Variants in STAB2 observed in about 807,000 individuals in gnomAD.
STAB2 encodes stabilin 2, also known as stabilin-2.
Under a neutral mutation model 338.1 loss-of-function variants are expected in STAB2, and 288 were observed. The observed-to-expected ratio is 0.85, with a 90% CI of 0.77 to 0.94. The LOEUF is 0.94. Ranked by LOEUF, STAB2 falls within the 40% of genes least tolerant of loss-of-function variation. The pLI is 0.00. For synonymous variants in STAB2, 1,202 were observed against 1,193.3 expected, an observed-to-expected ratio of 1.01 and a Z score of -0.15; for missense variants, 3,141 against 3,210.1, an observed-to-expected ratio of 0.98 and a Z score of 0.52.
At chr12:103,658,871 G>A (rs957202657) in intron 15 of STAB2, among the ~76,000 whole-genome samples, 11 of 152,210 alleles carry the variant, frequency 7.2e-5, no homozygotes, top group African/African-American at 1.2e-4. Flanking sequence ...TTTGGTGGAC[G>A]CAGTCAAGTT....
Position 103,766,463 on chromosome 12 carries a change from C to G in STAB2, c.*127C>G, listed in dbSNP as rs758512898. On this transcript the variant is annotated 3_prime_UTR_variant, in exon 69 of 69. Coordinates refer to ENST00000388887, the MANE Select transcript of STAB2 (RefSeq NM_017564.10). ...CACTCAGAAGCCATACCTCATCTCT[C>G]TGGCTGATCTGGGGGTTGTTTCTGT... 2.7e-5 allele frequency: 29 copies of G among 1,077,618 alleles called. No homozygotes were observed. Among genetic ancestry groups the G allele is most frequent in the Non-Finnish European group, 3.8e-5 (29 of 756,450 alleles). 66.8% of individuals were successfully genotyped at this position (1,077,618 alleles called of 1,614,324 possible).
intron 21 of STAB2, 35 bp downstream of exon 21, chr12:103,669,662 T>C (rs1875548270): frequency 1.3e-6 from 2 of 1,582,758 alleles, no homozygotes; most frequent in African/African-American, 1.3e-5. Flanking sequence ...ATAAGTCAAA[T>C]CAAACAATAA....
chr12:103,748,196 C>T (rs933074422), intron 58 of STAB2, among the ~76,000 whole-genome samples: 4 of 152,178 alleles, frequency 2.6e-5, no homozygotes, highest in African/African-American at 9.7e-5. Flanking sequence ...AGTGAGTCAG[C>T]ATTCAACAAT....
intron 68 of STAB2, among the ~76,000 whole-genome samples, chr12:103,764,016 C>T (rs1283538092): frequency 6.6e-6 from 1 of 151,562 alleles, no homozygotes; most frequent in Non-Finnish European, 1.5e-5. Flanking sequence ...GATGGAGTCT[C>T]ACTCTGTCAC....
intron 55 of STAB2, among the ~76,000 whole-genome samples, chr12:103,741,689 A>G (rs543002456): frequency 1.3e-5 from 2 of 152,320 alleles, no homozygotes; most frequent in South Asian, 4.1e-4. Context: ...TCCTGAGCTC[A>G]AGCAGTCCAT....
intron 61 of STAB2, among the ~76,000 whole-genome samples, chr12:103,754,430 A>T (rs1396803751): frequency 1.3e-5 from 2 of 152,010 alleles, no homozygotes; most frequent in African/African-American, 4.8e-5. Flanking sequence ...CAATTTTCTC[A>T]ATTGTATAAG....
At chr12:103,710,241 C>G (rs1344666992) in intron 39 of STAB2, among the ~76,000 whole-genome samples, 2 of 152,202 alleles carry the variant, frequency 1.3e-5, no homozygotes, top group African/African-American at 4.8e-5. Flanking sequence ...GGGTGGAGCA[C>G]AAAGACTCTT....
intron 65 of STAB2, among the ~76,000 whole-genome samples, chr12:103,760,945 C>G (rs1388030596): frequency 1.3e-5 from 2 of 152,156 alleles, no homozygotes; most frequent in African/African-American, 4.8e-5. Context: ...TACAGCTTTT[C>G]TAACAGTGTG....
rs1436750994 is a variant in STAB2, at chr12:103,750,563, C to T, written c.6439-16C>T. 1 of 1,612,700 alleles carries T rather than the reference C, an allele frequency of 6.2e-7. No individual in the cohort carries two copies. The highest frequency in any genetic ancestry group is 8.5e-7 in the Non-Finnish European group (1 of 1,178,884). The stretch of plus-strand genomic sequence containing the variant: ...GAGAAGGAACTTTTTCATCTCTTCC[C>T]ACTCTCCCTCCACAGGGCAAGCACA... On this transcript the variant is annotated splice_polypyrimidine_tract_variant and intron_variant, in intron 59 of 68. Transcript: ENST00000388887.
intron 3 of STAB2, among the ~76,000 whole-genome samples, chr12:103,600,967 C>A (rs1168103357): frequency 6.6e-6 from 1 of 152,168 alleles, no homozygotes; most frequent in East Asian, 1.9e-4. Context: ...TAATAGTAAG[C>A]ATTCAACAAA....
intron 25 of STAB2, among the ~76,000 whole-genome samples, chr12:103,680,568 GGATTCATTCTT>G (rs1876806957): frequency 6.6e-6 from 1 of 152,224 alleles, no homozygotes; most frequent in South Asian, 2.1e-4. Context: ...CAAAAAGCCA[GGATTCATTCTT>G]TCATTGACTC....
At chr12:103,608,870 G>C (rs1957075966) in intron 3 of STAB2, among the ~76,000 whole-genome samples, 1 of 152,234 alleles carries the variant, frequency 6.6e-6, no homozygotes, top group African/African-American at 2.4e-5. Context: ...TCTACAAGGT[G>C]TAAGGAAGAG....
intron 5 of STAB2, 145 bp downstream of exon 5, chr12:103,622,256 G>A (rs1957313625): frequency 2.5e-6 from 2 of 814,292 alleles, no homozygotes; most frequent in Admixed American, 5.9e-5. Context: ...GTTTAATCGG[G>A]CAATGAACAA....
chr12:103,735,696 C>A, intron 52 of STAB2, 116 bp downstream of exon 52: 1 of 839,032 alleles, frequency 1.2e-6, no homozygotes, highest in Non-Finnish European at 1.8e-6. Context: ...TCATAGCGGG[C>A]TCATTTTTTT....
At chr12:103,591,574 G>T (rs1956798569) in intron 2 of STAB2, among the ~76,000 whole-genome samples, 1 of 151,938 alleles carries the variant, frequency 6.6e-6, no homozygotes, top group Non-Finnish European at 1.5e-5. Context: ...TTTTCATTTT[G>T]CCTGTATTTT....
At chr12:103,757,848 G>C in intron 63 of STAB2, 1 of 356,478 alleles carries the variant, frequency 2.8e-6, no homozygotes, top group East Asian at 6.0e-5. Context: ...GACTTGGACT[G>C]TTCCTCTGAG....
Position 103,706,788 on chromosome 12 carries a change from T to C in STAB2, c.3997-4T>C, listed in dbSNP as rs752128458. On this transcript the variant is annotated splice_polypyrimidine_tract_variant and splice_region_variant and intron_variant, in intron 37 of 68. Coordinates refer to ENST00000388887, the MANE Select transcript of STAB2 (RefSeq NM_017564.10). ...CGTTGTCAAGCTTTGTCCTTCTGTT[T>C]CAGACGAGAGAATGCTGTGCCGGCT... 6.2e-7 allele frequency: 1 copy of C among 1,614,234 alleles called. No individual in the cohort carries two copies. Among genetic ancestry groups the C allele is most frequent in the Non-Finnish European group, 8.5e-7 (1 of 1,180,036 alleles).
intron 6 of STAB2, among the ~76,000 whole-genome samples, chr12:103,634,651 AAAT>A (rs1957515322): frequency 6.6e-6 from 1 of 152,234 alleles, no homozygotes; most frequent in Admixed American, 6.5e-5. Flanking sequence ...TACCATGAAA[AAAT>A]TATTGGGAAC....
At chr12:103,619,755 C>T (rs1186020889) in intron 3 of STAB2, among the ~76,000 whole-genome samples, 1 of 147,066 alleles carries the variant, frequency 6.8e-6, no homozygotes, top group East Asian at 2.1e-4. Flanking sequence ...CAACGCCCCC[C>T]GCCCCCGCCA....
Sources: gnomAD v4.1 joint callset for allele counts (sites outside exome capture counted in the v4.1 genomes callset) on GRCh38, gnomAD v4.1.1 for gene constraint, MANE v1.5 for transcripts, NCBI Gene and HGNC (gene_info 2026-07-23, HGNC 2026-07-21) for gene names.